The following NELL1 variants were observed in gnomAD, a reference collection of about 807,000 sequenced individuals.
NELL1 encodes protein kinase C-binding protein NELL1.
Under a neutral mutation model 107.4 loss-of-function variants are expected in NELL1, and 76 were observed. The ratio of observed to expected loss-of-function variants is 0.71; its 90% CI spans 0.59 to 0.86. NELL1 has a LOEUF of 0.86. Among genes scored for constraint, NELL1 ranks in the 40% least tolerant of loss-of-function variants. NELL1 has a pLI of 0.00. For missense variants in NELL1, 1,024 were observed against 1,005.5 expected, an observed-to-expected ratio of 1.02 and a Z score of -0.25; for synonymous variants, 353 against 341.2, an observed-to-expected ratio of 1.03 and a Z score of -0.38.
chr11:21,397,347 T>C (rs2133791649), intron 15 of NELL1, among the ~76,000 whole-genome samples: 1 of 151,630 alleles, frequency 6.6e-6, no homozygotes, highest in East Asian at 2.0e-4. Flanking sequence ...ATTTTTGTCA[T>C]TTAAAAAATT....
chr11:20,864,324 ATCTCT>A (rs1319590755), intron 4 of NELL1, among the ~76,000 whole-genome samples: 2 of 152,180 alleles, frequency 1.3e-5, no homozygotes, highest in African/African-American at 4.8e-5. Context: ...AGAACACAAC[ATCTCT>A]TCTCTTTGCA....
intron 12 of NELL1, among the ~76,000 whole-genome samples, chr11:21,042,323 T>C (rs2134333950): frequency 6.6e-6 from 1 of 152,336 alleles, no homozygotes; most frequent in East Asian, 1.9e-4. Context: ...CTATGTATTA[T>C]TAATGTCCTG....
chr11:20,752,288 A>C (rs1173091245), intron 2 of NELL1, among the ~76,000 whole-genome samples: 1 of 152,158 alleles, frequency 6.6e-6, no homozygotes, highest in African/African-American at 2.4e-5. Context: ...GGTGGCTCAC[A>C]CCTATAATCC....
chr11:20,746,920 G>C (rs986448632), intron 2 of NELL1, among the ~76,000 whole-genome samples: 7 of 152,282 alleles, frequency 4.6e-5, no homozygotes, highest in African/African-American at 1.7e-4. Flanking sequence ...TTAACAACTT[G>C]TGCACACTAT....
At chr11:21,289,427 C>T (rs540571794) in intron 14 of NELL1, among the ~76,000 whole-genome samples, 1 of 152,178 alleles carries the variant, frequency 6.6e-6, no homozygotes, top group Non-Finnish European at 1.5e-5. Context: ...ACTCCCTCCC[C>T]TAGCCAAGGG....
At chr11:21,125,671 T>A (rs1855471126) in intron 13 of NELL1, among the ~76,000 whole-genome samples, 1 of 152,212 alleles carries the variant, frequency 6.6e-6, no homozygotes, top group Non-Finnish European at 1.5e-5. Flanking sequence ...TATTACTAAC[T>A]GGTGGAGAGG....
At position 21,173,232 on chromosome 11, in the gene NELL1, G is replaced by A. The variant is rs893513773; in HGVS notation, c.1427-56100G>A. ...TCCTCATTTAAAAGAGTTACGTGAC[G>A]GTAGGAGGCAAAGGGGGTAAATTTC... On this transcript the variant is annotated intron_variant, in intron 13 of 19. Transcript: ENST00000357134. Among the ~76,000 whole-genome samples, 22 of 151,804 alleles carry A rather than the reference G, an allele frequency of 1.4e-4. 1 individual carries two copies. The highest frequency in any genetic ancestry group is 4.6e-4 in the Admixed American group (7 of 15,264).
intron 14 of NELL1, among the ~76,000 whole-genome samples, chr11:21,341,151 T>G (rs553296361): frequency 6.6e-6 from 1 of 152,254 alleles, no homozygotes; most frequent in South Asian, 2.1e-4. Flanking sequence ...ATATGATATG[T>G]CCTCTTCTTG....
At chr11:21,138,021 C>T (rs977406615) in intron 13 of NELL1, among the ~76,000 whole-genome samples, 5 of 152,194 alleles carry the variant, frequency 3.3e-5, no homozygotes, top group African/African-American at 1.2e-4. Flanking sequence ...TTATTGCTCT[C>T]TCACATTCTC....
intron 14 of NELL1, among the ~76,000 whole-genome samples, chr11:21,268,299 G>A (rs1332620912): frequency 6.6e-6 from 1 of 152,144 alleles, no homozygotes; most frequent in Non-Finnish European, 1.5e-5. Flanking sequence ...AGCTTGACCA[G>A]CTTCTAAGAA....
chr11:21,052,513 T>C (rs1853517559), intron 12 of NELL1, among the ~76,000 whole-genome samples: 1 of 152,098 alleles, frequency 6.6e-6, no homozygotes, highest in Admixed American at 6.6e-5. Flanking sequence ...AATTTATGAA[T>C]GTAGTGAGTC....
At chr11:20,962,548 C>A (rs1362010196) in intron 12 of NELL1, among the ~76,000 whole-genome samples, 1 of 152,110 alleles carries the variant, frequency 6.6e-6, no homozygotes, top group Non-Finnish European at 1.5e-5. Flanking sequence ...GAATATGAGA[C>A]AAAACTGCTG....
At chr11:21,485,663 C>T (rs1031724104) in intron 15 of NELL1, among the ~76,000 whole-genome samples, 1 of 151,702 alleles carries the variant, frequency 6.6e-6, no homozygotes, top group Admixed American at 6.6e-5. Flanking sequence ...CCCCGCCCTC[C>T]CTGGAGGCCA....
chr11:21,020,068 T>G (rs1014450107), intron 12 of NELL1, among the ~76,000 whole-genome samples: 10 of 152,136 alleles, frequency 6.6e-5, no homozygotes, highest in African/African-American at 9.7e-5. Flanking sequence ...CTTAGCTAAC[T>G]AAACTATACA....
intron 17 of NELL1, among the ~76,000 whole-genome samples, chr11:21,561,393 T>G (rs1317183524): frequency 1.3e-5 from 2 of 152,078 alleles, no homozygotes; most frequent in African/African-American, 2.4e-5. Context: ...CCCTTTCACA[T>G]AAACCTAGTT....
At chr11:20,777,428 A>G (rs978454168) in intron 2 of NELL1, among the ~76,000 whole-genome samples, 1 of 152,204 alleles carries the variant, frequency 6.6e-6, no homozygotes, top group Non-Finnish European at 1.5e-5. Context: ...AGTCCCTTAC[A>G]CGTTAACTGG....
At chr11:21,276,584 T>C (rs1165173329) in intron 14 of NELL1, among the ~76,000 whole-genome samples, 5 of 152,142 alleles carry the variant, frequency 3.3e-5, no homozygotes, top group Middle Eastern at 3.4e-3. Context: ...GAGCCTGCAT[T>C]GCCAAGTCAA....
At chr11:20,773,125 C>T (rs1856672409) in intron 2 of NELL1, among the ~76,000 whole-genome samples, 1 of 152,176 alleles carries the variant, frequency 6.6e-6, no homozygotes, top group Admixed American at 6.5e-5. Context: ...GGCTGGCAAC[C>T]CCTGCTCACC....
intron 13 of NELL1, among the ~76,000 whole-genome samples, chr11:21,136,549 G>C (rs1183734616): frequency 6.6e-6 from 1 of 152,162 alleles, no homozygotes; most frequent in East Asian, 1.9e-4. Context: ...TGAGTTCAAA[G>C]AGGTGGCACA....
Sources: gnomAD v4.1 joint callset for allele counts (sites outside exome capture counted in the v4.1 genomes callset) on GRCh38, gnomAD v4.1.1 for gene constraint, MANE v1.5 for transcripts, NCBI Gene and HGNC (gene_info 2026-07-23, HGNC 2026-07-21) for gene names.